Variants in CELF6 observed in about 807,000 individuals in gnomAD.
The protein encoded by CELF6 is CUGBP Elav-like family member 6.
A neutral mutation model predicts 53.1 loss-of-function variants in CELF6; 32 were observed. That is an observed-to-expected ratio of 0.60 (90% CI 0.46 to 0.81). The LOEUF is 0.81. Ranked by LOEUF, CELF6 falls within the 30% of genes least tolerant of loss-of-function variation. The pLI, the probability that CELF6 is intolerant of heterozygous loss-of-function variation, is 0.00. For synonymous variants in CELF6, 291 were observed against 288.8 expected, an observed-to-expected ratio of 1.01 and a Z score of -0.08; for missense variants, 539 against 669.5, an observed-to-expected ratio of 0.81 and a Z score of 2.15.
intron 2 of CELF6, 54 bp downstream of exon 2, chr15:72,315,791 A>G: frequency 1.6e-6 from 2 of 1,261,216 alleles, no homozygotes; most frequent in Non-Finnish European, 2.2e-6. Flanking sequence ...GCATGCACAC[A>G]GGGCACTGTC....
chr15:72,291,653 A>G lies in CELF6; in HGVS notation c.395-1398T>C, dbSNP rs774470681. On this transcript the variant is annotated intron_variant, in intron 3 of 12. Transcript: ENST00000287202. Reference sequence around the variant, plus strand: ...GAAGTTAGCAGGGGAGAAATCTCCAACAAGACTATGTGTGTGTCCATATGT... The same window carrying G: ...GAAGTTAGCAGGGGAGAAATCTCCAGCAAGACTATGTGTGTGTCCATATGT... Among the ~76,000 whole-genome samples, 4 of 152,186 alleles carry G rather than the reference A, an allele frequency of 2.6e-5. 1 individual carries two copies. Among genetic ancestry groups the G allele is most frequent in the Non-Finnish European group, 5.9e-5 (4 of 68,040 alleles).
In CELF6 at chr15:72,289,635, T is replaced by TGTAGGCGCC; in HGVS notation, c.730_738dup (p.Gly244_Tyr246dup). The TGTAGGCGCC allele has an allele frequency of 6.7e-7, 1 of 1,503,110 alleles. No homozygotes were observed. The highest frequency in any genetic ancestry group is 8.8e-7 in the Non-Finnish European group (1 of 1,134,560). The allele number at this position is 1,503,110 out of a possible 1,614,324, so 93.1% of individuals were successfully genotyped here. ...AGGTGCCCGGTACCTACCGCCGTGGTGTAGGCGCCGCAGGCCCCTAGCGGC... is the reference window on the plus strand; with the variant it reads ...AGGTGCCCGGTACCTACCGCCGTGGTGTAGGCGCCGTAGGCGCCGCAGGCCCCTAGCGGC... On this transcript the variant is annotated inframe_insertion, in exon 6 of 13. Coordinates refer to ENST00000287202, the MANE Select transcript of CELF6 (RefSeq NM_052840.5). This position sits in a 1 kb window ranked among gnomAD's most constrained non-coding sequence, Gnocchi z 7.6.
At position 72,315,132 on chromosome 15, in the gene CELF6, T is replaced by C. The variant is rs372661417; in HGVS notation, c.345+713A>G. ...TGTGAATGGCATTTAAACAGTGCTC[T>C]GTTCTAGACACACCGCTTCTTGGAC... On this transcript the variant is annotated intron_variant, in intron 2 of 12. Coordinates refer to ENST00000287202, the MANE Select transcript of CELF6 (RefSeq NM_052840.5). Among the ~76,000 whole-genome samples, 127 of 152,374 alleles carry C rather than the reference T, an allele frequency of 8.3e-4. No individual in the cohort carries two copies. In the South Asian group the frequency reaches 0.017, roughly 20 times the overall value.
intron 3 of CELF6, among the ~76,000 whole-genome samples, chr15:72,292,575 T>C (rs139308802): frequency 1.1e-3 from 172 of 152,252 alleles, no homozygotes; most frequent in African/African-American, 3.7e-3. Flanking sequence ...TAGCCTTGTG[T>C]AGGAAGAGAG....
intron 3 of CELF6, among the ~76,000 whole-genome samples, chr15:72,299,296 T>C (rs1431499768): frequency 1.3e-5 from 2 of 151,318 alleles, no homozygotes; most frequent in Admixed American, 6.6e-5. Flanking sequence ...TTTTTACCCA[T>C]ACAAACATTT....
intron 3 of CELF6, among the ~76,000 whole-genome samples, chr15:72,293,235 A>T (rs2088029822): frequency 6.6e-6 from 1 of 152,160 alleles, no homozygotes; most frequent in South Asian, 2.1e-4. Context: ...GCTGGATCAC[A>T]GTGGTCATGA....
intron 11 of CELF6, among the ~76,000 whole-genome samples, chr15:72,287,995 G>A (rs1219816103): frequency 6.6e-6 from 1 of 152,048 alleles, no homozygotes; most frequent in African/African-American, 2.4e-5. Flanking sequence ...CCATCACCAC[G>A]CCCAGCTAAT....
intron 3 of CELF6, among the ~76,000 whole-genome samples, chr15:72,301,069 G>A (rs1407024273): frequency 1.3e-5 from 2 of 151,470 alleles, no homozygotes; most frequent in African/African-American, 2.4e-5. Context: ...CTGCAGCCTC[G>A]AACTCCTGGG....
intron 1 of CELF6, among the ~76,000 whole-genome samples, chr15:72,316,999 G>C (rs2088371641): frequency 6.6e-6 from 1 of 152,218 alleles, no homozygotes; most frequent in African/African-American, 2.4e-5. Flanking sequence ...GAAAAGGACA[G>C]TGATTATTTC....
At position 72,319,979 on chromosome 15, in the gene CELF6, G is replaced by A. The variant is rs1251825034; in HGVS notation, c.-105C>T. On this transcript the variant is annotated 5_prime_UTR_variant, in exon 1 of 13. Coordinates refer to ENST00000287202, the MANE Select transcript of CELF6 (RefSeq NM_052840.5). The surrounding 1 kb of genome is among the most constrained non-coding windows in gnomAD (Gnocchi z 5.0). ...GCCAGGGGGAGGGGGCGGAGCCCGG[G>A]CGGAGAGGGCGGGGGGCTGCCCAGG... 7.6e-7 allele frequency: 1 copy of A among 1,311,508 alleles called. No homozygotes were observed. Among genetic ancestry groups the A allele is most frequent in the East Asian group, 3.0e-5 (1 of 33,506 alleles). The allele number at this position is 1,311,508 out of a possible 1,614,324, so 81.2% of individuals were successfully genotyped here. A position where few individuals can be genotyped will look rare whatever the true frequency, so the allele number is the denominator to read the frequency against.
chr15:72,308,894 C>T (rs558257331), intron 2 of CELF6, among the ~76,000 whole-genome samples: 13 of 151,786 alleles, frequency 8.6e-5, no homozygotes, highest in Admixed American at 4.6e-4. Flanking sequence ...TTAGTAGAGA[C>T]GGTTTCACCA....
chr15:72,306,603 C>T (rs1023142546), intron 2 of CELF6, among the ~76,000 whole-genome samples: 32 of 150,624 alleles, frequency 2.1e-4, no homozygotes, highest in Admixed American at 6.6e-5. Flanking sequence ...TCTGAACCAG[C>T]GCAACTCCCC....
intron 3 of CELF6, among the ~76,000 whole-genome samples, chr15:72,292,761 C>T (rs2088022827): frequency 6.6e-6 from 1 of 152,240 alleles, no homozygotes. Context: ...GGCGCAGTGG[C>T]TCACGCCTAT....
intron 1 of CELF6, among the ~76,000 whole-genome samples, chr15:72,316,526 C>T (rs1313445387): frequency 1.3e-5 from 2 of 152,092 alleles, no homozygotes; most frequent in African/African-American, 2.4e-5. Flanking sequence ...CCAGGGACCC[C>T]CTAATCCTGT....
At chr15:72,305,713 C>G (rs1333331928) in intron 2 of CELF6, among the ~76,000 whole-genome samples, 1 of 152,170 alleles carries the variant, frequency 6.6e-6, no homozygotes, top group African/African-American at 2.4e-5. Context: ...CCTCTCCACA[C>G]AGGGATGACT....
At chr15:72,292,365 C>G (rs542543476) in intron 3 of CELF6, 1 of 779,144 alleles carries the variant, frequency 1.3e-6, no homozygotes, top group Non-Finnish European at 2.0e-6. Context: ...AATCAAACCC[C>G]GAAAGACCAT....
At chr15:72,307,161 C>A (rs550041024) in intron 2 of CELF6, among the ~76,000 whole-genome samples, 1 of 152,132 alleles carries the variant, frequency 6.6e-6, no homozygotes, top group Non-Finnish European at 1.5e-5. Flanking sequence ...GACGAGCACA[C>A]GTGACAGCAG....
intron 2 of CELF6, among the ~76,000 whole-genome samples, chr15:72,307,967 C>T (rs922948470): frequency 7.2e-5 from 11 of 152,100 alleles, no homozygotes; most frequent in African/African-American, 1.9e-4. Flanking sequence ...GGCTAGGGTA[C>T]GGACAGGGAG....
chr15:72,319,782 C>G lies in CELF6; in HGVS notation c.93G>C (p.Gly31=). The G allele has an allele frequency of 3.8e-6, 6 of 1,570,222 alleles. No homozygotes were observed. Among genetic ancestry groups the G allele is most frequent in the Non-Finnish European group, 5.2e-6 (6 of 1,156,920 alleles). ...STADSGVGMS[G]LNPGPAVPMK... is the part of the protein sequence containing the mutation. ...TGGGTACGGCGGGACCGGGGTTTAGCCCGCTCATGCCGACGCCGCTGTCCG... is the reference window on the plus strand; with the variant it reads ...TGGGTACGGCGGGACCGGGGTTTAGGCCGCTCATGCCGACGCCGCTGTCCG... Residue 31 remains glycine, a synonymous_variant, in exon 1 of 13, where the codon GGG becomes GGC. Transcript: ENST00000287202. The surrounding 1 kb of genome is among the most constrained non-coding windows in gnomAD (Gnocchi z 5.0).
Sources: allele counts gnomAD v4.1 joint callset (sites outside exome capture counted in the v4.1 genomes callset), GRCh38; gene constraint gnomAD v4.1.1; non-coding constraint Gnocchi (gnomAD v3.1); transcripts MANE v1.5; gene names NCBI Gene and HGNC (gene_info 2026-07-23, HGNC 2026-07-21).